Variants in CSTF2T observed in about 807,000 individuals in gnomAD.
The protein encoded by CSTF2T is CF-1 64 kDa subunit tau.
CSTF2T carries 18 observed loss-of-function variants against 39.9 expected under a neutral mutation model. The ratio of observed to expected loss-of-function variants is 0.45; its 90% CI spans 0.31 to 0.67. CSTF2T has a LOEUF of 0.67. Among genes scored for constraint, CSTF2T ranks in the 30% least tolerant of loss-of-function variants. CSTF2T has a pLI of 0.06. For missense variants in CSTF2T, 681 were observed against 789.0 expected, an observed-to-expected ratio of 0.86 and a Z score of 1.64; for synonymous variants, 291 against 276.4, an observed-to-expected ratio of 1.05 and a Z score of -0.52.
Position 51,697,680 on chromosome 10 carries a change from A to T in CSTF2T, c.*19T>A. 2 of 1,612,056 alleles carry T rather than the reference A, an allele frequency of 1.2e-6. No homozygotes were observed. The highest frequency in any genetic ancestry group is 1.7e-6 in the Non-Finnish European group (2 of 1,179,082). ...CAGAATAAAATTTGAGACTACAGCC[A>T]AATATTTTCTAAAACCTTTCAAGAC... On this transcript the variant is annotated 3_prime_UTR_variant, in exon 1 of 1. Coordinates refer to ENST00000331173, the MANE Select transcript of CSTF2T (RefSeq NM_015235.3).
Position 51,699,064 on chromosome 10 carries a change from T to G in CSTF2T, c.486A>C (p.Leu162Phe), listed in dbSNP as rs1456314925. The G allele has an allele frequency of 3.1e-6, 5 of 1,614,216 alleles. No individual in the cohort carries two copies. In the Admixed American group the frequency reaches 6.7e-5, roughly 22 times the overall value. The change falls in exon 1 of 1, where the codon TTA becomes TTC. Residue 162 changes from leucine to phenylalanine, a missense_variant. Leu to Phe is a conservative substitution (Grantham distance 22, BLOSUM62 0). Transcript: ENST00000331173. ...QNSHQEARNM[L>F]LQNPQLAYAL... Reference sequence around the variant, plus strand: ...CATAAGCCAGTTGTGGATTTTGAAGTAACATGTTTCGAGCTTCCTGGTGGC... The same window carrying G: ...CATAAGCCAGTTGTGGATTTTGAAGGAACATGTTTCGAGCTTCCTGGTGGC...
At position 51,699,537 on chromosome 10, in the gene CSTF2T, C is replaced by T. The variant is rs147611687; in HGVS notation, c.13G>A (p.Ala5Thr). MSSL[A>T]VRDPAMDRSL... ...CGATCCATTGCCGGGTCTCTCACCG[C>T]CAAACTCGACATGATTCCGGTTGTG... Residue 5 changes from alanine to threonine, a missense_variant, in exon 1 of 1, where the codon GCG becomes ACG. Physicochemically the swap from Ala to Thr is moderately conservative, Grantham distance 58 (BLOSUM62 0). Coordinates refer to ENST00000331173, the MANE Select transcript of CSTF2T (RefSeq NM_015235.3). The T allele has an allele frequency of 1.2e-6, 2 of 1,609,954 alleles. No homozygotes were observed. Among genetic ancestry groups the T allele is most frequent in the East Asian group, 4.5e-5 (2 of 44,868 alleles).
Position 51,698,993 on chromosome 10 carries a change from A to G in CSTF2T, c.557T>C (p.Ile186Thr). The G allele has an allele frequency of 6.2e-7, 1 of 1,614,232 alleles. No individual in the cohort carries two copies. The highest frequency in any genetic ancestry group is 8.5e-7 in the Non-Finnish European group (1 of 1,180,040). The change falls in exon 1 of 1, where the codon ATT becomes ACT. Residue 186 changes from isoleucine to threonine, a missense_variant. Ile to Thr is a moderately conservative substitution (Grantham distance 89). Coordinates refer to ENST00000331173, the MANE Select transcript of CSTF2T (RefSeq NM_015235.3). ...QVVMRIMDPE[I>T]ALKILHRKIH... is the part of the protein sequence containing the mutation. Reference sequence around the variant, plus strand: ...CTTCCGATGCAGAATTTTCAGAGCAATCTCTGGATCCATGATTCTCATCAC... The same window carrying G: ...CTTCCGATGCAGAATTTTCAGAGCAGTCTCTGGATCCATGATTCTCATCAC...
chr10:51,697,843 G>C lies in CSTF2T; in HGVS notation c.1707C>G (p.Val569=). 2 of 1,614,126 alleles carry C rather than the reference G, an allele frequency of 1.2e-6. No individual in the cohort carries two copies. The highest frequency in any genetic ancestry group is 1.7e-6 in the Non-Finnish European group (2 of 1,180,026). ...PSSFSPGQSQ[V]TPQDQEKAAL... ...CTGCCTTCTCCTGATCCTGTGGAGT[G>C]ACCTGGCTCTGCCCAGGACTAAAAC... is the stretch of plus-strand genomic sequence containing the variant. The change falls in exon 1 of 1, where the codon GTC becomes GTG. Residue 569 remains valine, a synonymous_variant. Transcript: ENST00000331173.
In CSTF2T at chr10:51,698,537, C is replaced by A; in HGVS notation, c.1013G>T (p.Arg338Leu). 2 of 1,614,128 alleles carry A rather than the reference C, an allele frequency of 1.2e-6. No individual in the cohort carries two copies. The highest frequency in any genetic ancestry group is 2.2e-5 in the East Asian group (1 of 44,858). Residue 338 changes from arginine to leucine, a missense_variant, in exon 1 of 1, where the codon CGT (arginine) becomes CTT (leucine). This residue lies in a region of CSTF2T where 329 missense variants were observed against 344.1 expected (regional missense o/e 0.96). Transcript: ENST00000331173. ...AGTGACTGAAAGCAAAGTCCCTCCA[C>A]GTGGGTCATTTGGAGCATCTCCTAA... ...GLLGDAPNDPRGGTLLSVTGE... is the reference protein window; with the variant it reads ...GLLGDAPNDPLGGTLLSVTGE...
Position 51,698,578 on chromosome 10 carries a change from C to T in CSTF2T, c.972G>A (p.Leu324=), listed in dbSNP as rs376549817. ...CATCTCCTAACAGTCCTCGAGGAGG[C>T]AGACCACCAGGAGTCACGGGTCCGC... ...IPRGPVTPGG[L]PPRGLLGDAP... Residue 324 remains leucine, a synonymous_variant, in exon 1 of 1, where the codon CTG becomes CTA. Transcript: ENST00000331173. The T allele has an allele frequency of 6.2e-7, 1 of 1,613,750 alleles. No individual in the cohort carries two copies. The highest frequency in any genetic ancestry group is 8.5e-7 in the Non-Finnish European group (1 of 1,180,038).
In CSTF2T at chr10:51,698,314, A is replaced by G. The variant is rs1165160594; in HGVS notation, c.1236T>C (p.Gly412=). ...GAGTCTCCATCGCTCGAGAATCTCT[A>G]CCACCTCTACCATCCATAGGTAGAC... ...QRGLPMDGRG[G]RDSRAMETRA... Residue 412 remains glycine, a synonymous_variant, in exon 1 of 1, where the codon GGT becomes GGC. Transcript: ENST00000331173. 6.2e-7 allele frequency: 1 copy of G among 1,613,602 alleles called. No homozygotes were observed. Among genetic ancestry groups the G allele is most frequent in the South Asian group, 1.1e-5 (1 of 91,066 alleles).
rs1376497609 is a variant in CSTF2T, at chr10:51,698,081, TGAG to T, written c.1466_1468del (p.Pro489del). ...AATGCCTGGGACCTGTCTGGGTCCC[TGAG>T]GAGGGCCACCTGCCCCTATATTAAT... On this transcript the variant is annotated inframe_deletion, in exon 1 of 1. Coordinates refer to ENST00000331173, the MANE Select transcript of CSTF2T (RefSeq NM_015235.3). 2 of 1,614,074 alleles carry T rather than the reference TGAG, an allele frequency of 1.2e-6. No individual in the cohort carries two copies. The highest frequency in any genetic ancestry group is 2.2e-5 in the East Asian group (1 of 44,876).
At position 51,697,430 on chromosome 10, in the gene CSTF2T, TC is replaced by T; in HGVS notation, c.*268del. 2.2e-6 allele frequency: 1 copy of T among 448,308 alleles called. No homozygotes were observed. Among genetic ancestry groups the T allele is most frequent in the East Asian group, 3.8e-5 (1 of 26,278 alleles). The allele number at this position is 448,308 out of a possible 1,614,324, so 27.8% of individuals were successfully genotyped here. ...TAGATGCTTCAATATTGCTGCTTATTCTTTGTAATCTTATTTGGCATAATAT... is the reference window on the plus strand; with the variant it reads ...TAGATGCTTCAATATTGCTGCTTATTTTTGTAATCTTATTTGGCATAATAT... On this transcript the variant is annotated 3_prime_UTR_variant, in exon 1 of 1. Coordinates refer to ENST00000331173, the MANE Select transcript of CSTF2T (RefSeq NM_015235.3).
chr10:51,698,729 C>T lies in CSTF2T; in HGVS notation c.821G>A (p.Gly274Glu), dbSNP rs758038992. The change falls in exon 1 of 1, where the codon GGA becomes GAA. Residue 274 changes from glycine (G) to glutamate (E), a missense_variant. Gly to Glu is a moderately conservative substitution (Grantham distance 98). Coordinates refer to ENST00000331173, the MANE Select transcript of CSTF2T (RefSeq NM_015235.3). ...APGPIPAAVP[G>E]AGPGSLTPGG... Reference sequence around the variant, plus strand: ...AGGAGTTAAGGAACCAGGACCAGCTCCGGGAACTGCAGCTGGTATTGGCCC... The same window carrying T: ...AGGAGTTAAGGAACCAGGACCAGCTTCGGGAACTGCAGCTGGTATTGGCCC... 6.2e-7 allele frequency: 1 copy of T among 1,614,224 alleles called. No homozygotes were observed. Among genetic ancestry groups the T allele is most frequent in the South Asian group, 1.1e-5 (1 of 91,086 alleles).
At position 51,698,342 on chromosome 10, in the gene CSTF2T, C is replaced by T; in HGVS notation, c.1208G>A (p.Arg403Lys). ...GEPRGPMIDQ[R>K]GLPMDGRGGR... is the part of the protein sequence containing the mutation. ...ACCTCTACCATCCATAGGTAGACCCCTTTGATCTATCATGGGGCCTCTGGG... is the reference window on the plus strand; with the variant it reads ...ACCTCTACCATCCATAGGTAGACCCTTTTGATCTATCATGGGGCCTCTGGG... The change falls in exon 1 of 1, where the codon AGG becomes AAG. Residue 403 changes from arginine (R) to lysine (K), a missense_variant. By Grantham distance (26) the Arg-to-Lys change is conservative. Around this residue, in one of 4 missense-constraint regions of CSTF2T, gnomAD observed 282 missense variants for 289.2 expected, o/e 0.98. Coordinates refer to ENST00000331173, the MANE Select transcript of CSTF2T (RefSeq NM_015235.3). 6.2e-7 allele frequency: 1 copy of T among 1,614,184 alleles called. No individual in the cohort carries two copies. Among genetic ancestry groups the T allele is most frequent in the Non-Finnish European group, 8.5e-7 (1 of 1,180,042 alleles).
Position 51,698,816 on chromosome 10 carries a change from C to G in CSTF2T, c.734G>C (p.Arg245Thr). ...CAGAGGAGGAATGTCCTTCACAGGT[C>G]TTCTAGCCAAATGCTGAGGCTGAGG... ...PAPQPQHLAR[R>T]PVKDIPPLMQ... Residue 245 changes from arginine (R) to threonine (T), a missense_variant, in exon 1 of 1, where the codon AGA becomes ACA. Transcript: ENST00000331173. 1 of 1,614,146 alleles carries G rather than the reference C, an allele frequency of 6.2e-7. No individual in the cohort carries two copies. Among genetic ancestry groups the G allele is most frequent in the Non-Finnish European group, 8.5e-7 (1 of 1,180,024 alleles).
chr10:51,698,973 G>T lies in CSTF2T; in HGVS notation c.577C>A (p.Arg193=). The T allele has an allele frequency of 6.2e-6, 10 of 1,614,222 alleles. No individual in the cohort carries two copies. The highest frequency in any genetic ancestry group is 7.6e-6 in the Non-Finnish European group (9 of 1,180,042). ...DPEIALKILH[R]KIHVTPLIPG... is the part of the protein sequence containing the mutation. Reference sequence around the variant, plus strand: ...ATCAGTGGTGTGACATGTATCTTCCGATGCAGAATTTTCAGAGCAATCTCT... The same window carrying T: ...ATCAGTGGTGTGACATGTATCTTCCTATGCAGAATTTTCAGAGCAATCTCT... Residue 193 remains arginine (R), a synonymous_variant, in exon 1 of 1, where the codon CGG becomes AGG. Transcript: ENST00000331173.
rs150439329 is a variant in CSTF2T, at chr10:51,698,835, G to T, written c.715C>A (p.Pro239Thr). Reference protein sequence around the residue: ...LNQQNPPAPQPQHLARRPVKD... With the variant: ...LNQQNPPAPQTQHLARRPVKD... The stretch of plus-strand genomic sequence containing the variant: ...ACAGGTCTTCTAGCCAAATGCTGAG[G>T]CTGAGGAGCTGGAGGATTCTGCTGG... Residue 239 changes from proline to threonine, a missense_variant, in exon 1 of 1, where the codon CCT becomes ACT. Physicochemically the swap from Pro to Thr is conservative, Grantham distance 38. This residue lies in a region of CSTF2T where 329 missense variants were observed against 344.1 expected (regional missense o/e 0.96). Transcript: ENST00000331173. 6 of 1,614,076 alleles carry T rather than the reference G, an allele frequency of 3.7e-6. No individual in the cohort carries two copies. Among genetic ancestry groups the T allele is most frequent in the Non-Finnish European group, 5.1e-6 (6 of 1,180,046 alleles).
In CSTF2T at chr10:51,697,730, T is replaced by A; in HGVS notation, c.1820A>T (p.Glu607Val). 1 of 1,614,154 alleles carries A rather than the reference T, an allele frequency of 6.2e-7. No homozygotes were observed. The highest frequency in any genetic ancestry group is 8.5e-7 in the Non-Finnish European group (1 of 1,180,028). Residue 607 changes from glutamate (E) to valine (V), a missense_variant, in exon 1 of 1, where the codon GAA becomes GTA. By Grantham distance (121) the Glu-to-Val change is moderately radical (BLOSUM62 -2). Coordinates refer to ENST00000331173, the MANE Select transcript of CSTF2T (RefSeq NM_015235.3). ...CGCTCCAGTGGATTTCTGGATTTGT[T>A]CCTTTAAAATCAGGATACTCTGCCT... Reference protein sequence around the residue: ...EQRQSILILKEQIQKSTGAS With the variant: ...EQRQSILILKVQIQKSTGAS
At position 51,698,822 on chromosome 10, in the gene CSTF2T, G is replaced by A; in HGVS notation, c.728C>T (p.Ala243Val). The A allele has an allele frequency of 1.2e-6, 2 of 1,614,158 alleles. No homozygotes were observed. Among genetic ancestry groups the A allele is most frequent in the East Asian group, 2.2e-5 (1 of 44,856 alleles). The change falls in exon 1 of 1, where the codon GCT (alanine) becomes GTT (valine). Residue 243 changes from alanine to valine, a missense_variant. This residue lies in a region of CSTF2T where 329 missense variants were observed against 344.1 expected (regional missense o/e 0.96). Coordinates refer to ENST00000331173, the MANE Select transcript of CSTF2T (RefSeq NM_015235.3). Reference protein sequence around the residue: ...NPPAPQPQHLARRPVKDIPPL... With the variant: ...NPPAPQPQHLVRRPVKDIPPL... ...AGGAATGTCCTTCACAGGTCTTCTAGCCAAATGCTGAGGCTGAGGAGCTGG... is the reference window on the plus strand; with the variant it reads ...AGGAATGTCCTTCACAGGTCTTCTAACCAAATGCTGAGGCTGAGGAGCTGG...
In CSTF2T at chr10:51,699,287, C is replaced by G; in HGVS notation, c.263G>C (p.Arg88Pro). Residue 88 changes from arginine (R) to proline (P), a missense_variant, in exon 1 of 1, where the codon CGG (arginine) becomes CCG (proline). Arg to Pro is a moderately radical substitution (Grantham distance 103). Transcript: ENST00000331173. The stretch of plus-strand genomic sequence containing the variant: ...CTTTTCACTGGCAGCATTGTCCACC[C>G]GAAGCGCTCTCCCACTGAACTCCCG... ...NGREFSGRAL[R>P]VDNAASEKNK... 1 of 1,614,090 alleles carries G rather than the reference C, an allele frequency of 6.2e-7. No individual in the cohort carries two copies. The highest frequency in any genetic ancestry group is 8.5e-7 in the Non-Finnish European group (1 of 1,180,016).
rs1841278222 is a variant in CSTF2T at position 51,695,890 on chromosome 10, A to G, written c.*1809T>C. 6.6e-6 allele frequency: 1 copy of G among 152,166 alleles called. No individual in the cohort carries two copies. The highest frequency in any genetic ancestry group is 1.5e-5 in the Non-Finnish European group (1 of 68,008). 9.4% of individuals were successfully genotyped at this position (152,166 alleles called of 1,614,324 possible). ...AACATTTTTTCATCTGTAACTAGAT[A>G]TTGGTTTTTCTTCTCCATAGTAAGA... On this transcript the variant is annotated 3_prime_UTR_variant, in exon 1 of 1. Transcript: ENST00000331173.
Position 51,698,973 on chromosome 10 carries a change from G to C in CSTF2T, c.577C>G (p.Arg193Gly), listed in dbSNP as rs547119353. Residue 193 changes from arginine to glycine, a missense_variant, in exon 1 of 1, where the codon CGG becomes GGG. By Grantham distance (125) the Arg-to-Gly change is moderately radical (BLOSUM62 -2). Coordinates refer to ENST00000331173, the MANE Select transcript of CSTF2T (RefSeq NM_015235.3). Reference protein sequence around the residue: ...DPEIALKILHRKIHVTPLIPG... With the variant: ...DPEIALKILHGKIHVTPLIPG... ...ATCAGTGGTGTGACATGTATCTTCC[G>C]ATGCAGAATTTTCAGAGCAATCTCT... 1.9e-6 allele frequency: 3 copies of C among 1,614,222 alleles called. No individual in the cohort carries two copies. The East Asian group carries it at 6.7e-5, about 36-fold the overall frequency.
Sources: allele counts gnomAD v4.1 joint callset, GRCh38; gene constraint gnomAD v4.1.1; regional missense constraint gnomAD v4.1.1; transcripts MANE v1.5; gene names NCBI Gene and HGNC (gene_info 2026-07-23, HGNC 2026-07-21).